TTC39A: variants seen among roughly 807,000 people sequenced by gnomAD.
TTC39A encodes the protein tetratricopeptide repeat protein 39A.
Under a neutral mutation model 82.3 loss-of-function variants are expected in TTC39A, and 46 were observed. The ratio of observed to expected loss-of-function variants is 0.56; its 90% CI spans 0.44 to 0.71. The LOEUF (loss-of-function observed/expected upper bound fraction) is 0.71, where lower values mean the gene tolerates loss of function less well. Ranked by LOEUF, TTC39A falls within the 30% of genes least tolerant of loss-of-function variation. TTC39A has a pLI of 0.00. For missense variants in TTC39A, 543 were observed against 712.9 expected, an observed-to-expected ratio of 0.76 and a Z score of 2.71; for synonymous variants, 254 against 275.2, an observed-to-expected ratio of 0.92 and a Z score of 0.76.
intron 1 of TTC39A, among the ~76,000 whole-genome samples, chr1:51,329,179 A>G (rs540419312): frequency 6.6e-6 from 1 of 152,310 alleles, no homozygotes; most frequent in Admixed American, 6.5e-5. Flanking sequence ...GTTTTCAGCC[A>G]GGGAGTCTAG....
intron 1 of TTC39A, among the ~76,000 whole-genome samples, chr1:51,339,356 T>C (rs1403705779): frequency 6.6e-6 from 1 of 152,170 alleles, no homozygotes; most frequent in Non-Finnish European, 1.5e-5. Flanking sequence ...GGATTTTACT[T>C]GAAAGTGGTA....
intron 1 of TTC39A, chr1:51,344,934 C>G: frequency 6.6e-7 from 1 of 1,520,764 alleles, no homozygotes; most frequent in Non-Finnish European, 8.8e-7. Context: ...CTGGGTCCTC[C>G]GGCGGCCCCT....
At chr1:51,311,073 T>A (rs1645064498) in intron 5 of TTC39A, among the ~76,000 whole-genome samples, 181 bp downstream of exon 5, 1 of 152,182 alleles carries the variant, frequency 6.6e-6, no homozygotes, top group South Asian at 2.1e-4. Context: ...ATGATGCCCA[T>A]CACTTCCCTT....
rs1351625201 is a variant in TTC39A at position 51,302,358 on chromosome 1, G to A, written c.890C>T (p.Ala297Val). The A allele has an allele frequency of 6.2e-7, 1 of 1,601,668 alleles. No homozygotes were observed. Among genetic ancestry groups the A allele is most frequent in the South Asian group, 1.1e-5 (1 of 88,578 alleles). Residue 297 changes from alanine (A) to valine (V), a missense_variant and splice_region_variant, in exon 11 of 18, where the codon GCA (alanine) becomes GTA (valine). Physicochemically the swap from Ala to Val is moderately conservative, Grantham distance 64 (BLOSUM62 0). Transcript: ENST00000680483. ...RIEVIKGNID[A>V]AIRRFEECCE... ...CCGGCCCGGACCCCCATCACTCACT[G>A]CATCAATGTTGCCTTTAATGACTTC...
Position 51,321,949 on chromosome 1 carries a change from T to C in TTC39A, c.42-124A>G. 1 of 1,310,008 alleles carries C rather than the reference T, an allele frequency of 7.6e-7. No individual in the cohort carries two copies. Among genetic ancestry groups the C allele is most frequent in the Non-Finnish European group, 1.1e-6 (1 of 942,918 alleles). The allele number at this position is 1,310,008 out of a possible 1,614,324, so 81.1% of individuals were successfully genotyped here. ...CCAGCCTTGGGTGCCTGTCACGAGC[T>C]CCTCCAGGCTGCCACTCTGTACTGG... On this transcript the variant is annotated intron_variant, in intron 1 of 17. Transcript: ENST00000680483. This position sits in a 1 kb window ranked among gnomAD's most constrained non-coding sequence, Gnocchi z 4.6.
chr1:51,319,465 A>T (rs928732214), intron 2 of TTC39A, among the ~76,000 whole-genome samples: 7 of 152,164 alleles, frequency 4.6e-5, no homozygotes, highest in African/African-American at 1.7e-4. Flanking sequence ...GAGAACCCGC[A>T]TAACAATCCA....
At chr1:51,322,366 C>T in intron 1 of TTC39A, 1 of 1,193,650 alleles carries the variant, frequency 8.4e-7, no homozygotes, top group Non-Finnish European at 1.1e-6. Flanking sequence ...CCAATGGCTC[C>T]TCCAGAATAC....
chr1:51,294,625 G>T lies in TTC39A; in HGVS notation c.1146-114C>A. On this transcript the variant is annotated intron_variant, in intron 13 of 17. Transcript: ENST00000680483. The surrounding 1 kb of genome is among the most constrained non-coding windows in gnomAD (Gnocchi z 4.3). ...TCTCTGGGCCTCAGTTTCCCCATCT[G>T]CACAATGACAGTGTTAGACTCTAAA... is the stretch of plus-strand genomic sequence containing the variant. 1 of 1,466,914 alleles carries T rather than the reference G, an allele frequency of 6.8e-7. No homozygotes were observed. The highest frequency in any genetic ancestry group is 9.2e-7 in the Non-Finnish European group (1 of 1,081,132). The allele number at this position is 1,466,914 out of a possible 1,614,324, so 90.9% of individuals were successfully genotyped here.
At chr1:51,343,067 G>A (rs1188778372) in intron 1 of TTC39A, 1 of 456,268 alleles carries the variant, frequency 2.2e-6, no homozygotes, top group Admixed American at 2.3e-5. Flanking sequence ...ATTCTCCCAG[G>A]CAGGGAAGGT....
chr1:51,317,452 TAA>T (rs1006846616), intron 2 of TTC39A, among the ~76,000 whole-genome samples: 2 of 152,050 alleles, frequency 1.3e-5, no homozygotes, highest in African/African-American at 4.8e-5. Context: ...GGAAAACTGT[TAA>T]AAAGAAAGAA....
Position 51,302,340 on chromosome 1 carries a change from G to A in TTC39A, c.891+17C>T, listed in dbSNP as rs77243719. ...CCCGAGGGATCCCCAGCCCCGGCCC[G>A]GACCCCCATCACTCACTGCATCAAT... On this transcript the variant is annotated intron_variant, in intron 11 of 17. Transcript: ENST00000680483. The A allele has an allele frequency of 3.4e-5, 54 of 1,584,698 alleles. 1 individual carries two copies. The highest frequency in any genetic ancestry group is 9.2e-5 in the East Asian group (4 of 43,346).
intron 7 of TTC39A, 151 bp downstream of exon 7, chr1:51,305,826 A>T: frequency 1.4e-6 from 1 of 736,858 alleles, no homozygotes; most frequent in Admixed American, 2.5e-5. Context: ...GAGCCCCTGA[A>T]GGCTGGCCAC....
At chr1:51,315,287 TCTA>T (rs969798101) in intron 2 of TTC39A, among the ~76,000 whole-genome samples, 240 of 152,232 alleles carry the variant, frequency 1.6e-3, no homozygotes, top group African/African-American at 5.3e-3. Context: ...AGCCCCCAAC[TCTA>T]GTCTGAACTG....
intron 16 of TTC39A, among the ~76,000 whole-genome samples, chr1:51,289,532 T>G (rs75715943): frequency 0.021 from 3,246 of 152,280 alleles, 104 homozygotes; most frequent in African/African-American, 0.073. Flanking sequence ...CTCCCTTGCT[T>G]TCTCTGCCTG....
At chr1:51,342,941 C>T in intron 1 of TTC39A, 1 of 429,030 alleles carries the variant, frequency 2.3e-6, no homozygotes. Context: ...GCATCTCTCT[C>T]CTGGACCACC....
rs1304995706 is a variant in TTC39A, at chr1:51,287,758, A to G, written c.*399T>C. ...AATTTGCCCTTTGGCATCATCATATAAAGAGATTTACCTCCAGATGATAAT... is the reference window on the plus strand; with the variant it reads ...AATTTGCCCTTTGGCATCATCATATGAAGAGATTTACCTCCAGATGATAAT... On this transcript the variant is annotated 3_prime_UTR_variant, in exon 18 of 18. Coordinates refer to ENST00000680483, the MANE Select transcript of TTC39A (RefSeq NM_001297663.2). The G allele has an allele frequency of 1.2e-5, 2 of 171,334 alleles. No individual in the cohort carries two copies. Among genetic ancestry groups the G allele is most frequent in the Non-Finnish European group, 2.6e-5 (2 of 78,338 alleles). 10.6% of individuals were successfully genotyped at this position (171,334 alleles called of 1,614,324 possible). A position where few individuals can be genotyped will look rare whatever the true frequency, so the allele number is the denominator to read the frequency against.
chr1:51,296,113 T>C lies in TTC39A; in HGVS notation c.1111A>G (p.Lys371Glu). The C allele has an allele frequency of 6.3e-7, 1 of 1,599,832 alleles. No individual in the cohort carries two copies. The highest frequency in any genetic ancestry group is 8.5e-7 in the Non-Finnish European group (1 of 1,173,218). Reference sequence around the variant, plus strand: ...TCCACTTCGTCGTCCCCGAACGGCTTGTGGTCCTCCTTCCCAAACATGCTG... The same window carrying C: ...TCCACTTCGTCGTCCCCGAACGGCTCGTGGTCCTCCTTCCCAAACATGCTG... The part of the protein sequence containing the change: ...YLSMFGKEDH[K>E]PFGDDEVELF... Residue 371 changes from lysine (K) to glutamate (E), a missense_variant, in exon 13 of 18, where the codon AAG becomes GAG. Transcript: ENST00000680483.
chr1:51,313,829 T>C (rs1397867493), intron 2 of TTC39A, among the ~76,000 whole-genome samples: 2 of 152,180 alleles, frequency 1.3e-5, no homozygotes, highest in African/African-American at 4.8e-5. Context: ...TGAGACACTG[T>C]CTCTAAAAAG....
chr1:51,338,805 G>C, intron 1 of TTC39A, among the ~76,000 whole-genome samples: 1 of 151,876 alleles, frequency 6.6e-6, no homozygotes, highest in East Asian at 1.9e-4. Flanking sequence ...GTTTCACCAT[G>C]TTGTCCAGGC....
Sources: allele counts gnomAD v4.1 joint callset (sites outside exome capture counted in the v4.1 genomes callset), GRCh38; gene constraint gnomAD v4.1.1; non-coding constraint Gnocchi (gnomAD v3.1); transcripts MANE v1.5; gene names NCBI Gene and HGNC (gene_info 2026-07-23, HGNC 2026-07-21).